MTUS2: variants seen among roughly 807,000 people sequenced by gnomAD.
The protein encoded by MTUS2 is microtubule associated scaffold protein 2.
MTUS2 carries 40 observed loss-of-function variants against 114.1 expected under a neutral mutation model. That is an observed-to-expected ratio of 0.35 (90% confidence interval 0.27 to 0.46). The LOEUF is 0.46. Among genes scored for constraint, MTUS2 ranks in the 20% least tolerant of loss-of-function variants. The pLI, the probability that MTUS2 is intolerant of heterozygous loss-of-function variation, is 1.00. For synonymous variants in MTUS2, 688 were observed against 672.0 expected (o/e 1.02, Z -0.37); for missense variants, 1,679 against 1,705.4 (o/e 0.98, Z 0.27).
chr13:29,259,098 T>A (rs763107795), intron 5 of MTUS2, among the ~76,000 whole-genome samples: 2 of 152,234 alleles, frequency 1.3e-5, no homozygotes, highest in Non-Finnish European at 2.9e-5. Flanking sequence ...ATGTATTTTT[T>A]AAAACAATAA....
chr13:28,936,536 G>T (rs990349906), intron 2 of MTUS2, among the ~76,000 whole-genome samples: 2 of 152,102 alleles, frequency 1.3e-5, no homozygotes, highest in African/African-American at 2.4e-5. Context: ...GGGACTGAGT[G>T]TCTGGTGTGG....
intron 7 of MTUS2, among the ~76,000 whole-genome samples, chr13:29,335,384 A>G (rs942359658): frequency 6.6e-5 from 10 of 152,246 alleles, no homozygotes; most frequent in African/African-American, 1.9e-4. Context: ...ATCAGTGACA[A>G]TGTGTGCCCG....
chr13:29,390,162 T>TGTGTG lies in MTUS2; in HGVS notation c.3117+30689_3117+30690insGTGTG, dbSNP rs146459770. 6.7e-5 allele frequency among the ~76,000 whole-genome samples: 8 copies of TGTGTG among 119,052 alleles called. No homozygotes were observed. In the South Asian group the frequency reaches 1.9e-3, roughly 29 times the overall value. 78.1% of individuals were successfully genotyped at this position (119,052 alleles called of 152,430 possible). A position where few individuals can be genotyped will look rare whatever the true frequency, so the allele number is the denominator to read the frequency against. ...ACTATATATATATACACACACACAC[T>TGTGTG]TGTGTGTGTGTGTGTTTATGAATAT... On this transcript the variant is annotated intron_variant, in intron 8 of 15. Coordinates refer to ENST00000612955, the MANE Select transcript of MTUS2 (RefSeq NM_001033602.4).
At chr13:28,967,751 T>A (rs1176301770) in intron 2 of MTUS2, among the ~76,000 whole-genome samples, 1 of 152,144 alleles carries the variant, frequency 6.6e-6, no homozygotes, top group Non-Finnish European at 1.5e-5. Flanking sequence ...GATGACATGA[T>A]CTGTGCAAAA....
chr13:29,163,496 A>G (rs41438447), intron 5 of MTUS2, among the ~76,000 whole-genome samples: 2,785 of 152,234 alleles, frequency 0.018, 31 homozygotes, highest in Middle Eastern at 0.031. Flanking sequence ...CTTTTGCCTC[A>G]TGTTCCATCA....
chr13:29,323,799 T>G (rs1900362617), intron 6 of MTUS2, among the ~76,000 whole-genome samples: 1 of 152,082 alleles, frequency 6.6e-6, no homozygotes, highest in Non-Finnish European at 1.5e-5. Flanking sequence ...GGGGGTGACA[T>G]CCATGGCCTG....
At chr13:29,348,038 A>G (rs1361508053) in intron 7 of MTUS2, among the ~76,000 whole-genome samples, 1 of 150,464 alleles carries the variant, frequency 6.6e-6, no homozygotes, top group Non-Finnish European at 1.5e-5. Context: ...CCAACCCAGA[A>G]GCCCTCTGAA....
chr13:29,421,957 A>G (rs766962244), intron 8 of MTUS2, among the ~76,000 whole-genome samples: 10 of 152,212 alleles, frequency 6.6e-5, no homozygotes, highest in Non-Finnish European at 1.3e-4. Context: ...ATTGACCTGC[A>G]TGTTTCTACT....
At chr13:29,134,874 C>T (rs1593514144) in intron 5 of MTUS2, among the ~76,000 whole-genome samples, 1 of 152,208 alleles carries the variant, frequency 6.6e-6, no homozygotes, top group Non-Finnish European at 1.5e-5. Context: ...ATGTGAGCCA[C>T]CGTACCCGGC....
At chr13:29,077,407 T>A (rs538741233) in intron 4 of MTUS2, among the ~76,000 whole-genome samples, 2 of 151,620 alleles carry the variant, frequency 1.3e-5, no homozygotes, top group East Asian at 1.9e-4. Flanking sequence ...AAAAAAAAAA[T>A]GAGCCCAAAC....
chr13:28,923,257 G>A (rs775871901), intron 2 of MTUS2, among the ~76,000 whole-genome samples: 1 of 152,216 alleles, frequency 6.6e-6, no homozygotes, highest in Non-Finnish European at 1.5e-5. Flanking sequence ...GCTAACATCC[G>A]ATTCATCTCA....
At position 29,031,406 on chromosome 13, in the gene MTUS2, CTA is replaced by C. The variant is rs1010954097; in HGVS notation, c.2206-2466_2206-2465del. Among the ~76,000 whole-genome samples the C allele has an allele frequency of 7.4e-5, 11 of 147,852 alleles. 1 individual carries two copies. Among genetic ancestry groups the C allele is most frequent in the South Asian group, 4.5e-4 (2 of 4,484 alleles). On this transcript the variant is annotated intron_variant, in intron 3 of 15. Transcript: ENST00000612955. Reference sequence around the variant, plus strand: ...ATAGAGAGGGTACATCACATAATCTCTATATATATATATAGAGAGAGATTGAT... The same window carrying C: ...ATAGAGAGGGTACATCACATAATCTCTATATATATATAGAGAGAGATTGAT...
At chr13:28,876,625 G>A (rs949761251) in intron 2 of MTUS2, among the ~76,000 whole-genome samples, 1 of 152,154 alleles carries the variant, frequency 6.6e-6, no homozygotes, top group African/African-American at 2.4e-5. Flanking sequence ...CCTCTTTGTG[G>A]GTCTTTGGCC....
At chr13:29,019,631 A>G (rs1047102159) in intron 2 of MTUS2, among the ~76,000 whole-genome samples, 1 of 152,206 alleles carries the variant, frequency 6.6e-6, no homozygotes, top group African/African-American at 2.4e-5. Flanking sequence ...GACAACTTAT[A>G]TGGTACTTTG....
chr13:29,268,601 C>G (rs1190531825), intron 5 of MTUS2, among the ~76,000 whole-genome samples: 1 of 152,160 alleles, frequency 6.6e-6, no homozygotes, highest in Non-Finnish European at 1.5e-5. Context: ...CCAGTCTTAT[C>G]TTTCCACAGC....
chr13:28,958,696 A>G (rs1433967219), intron 2 of MTUS2, among the ~76,000 whole-genome samples: 1 of 152,216 alleles, frequency 6.6e-6, no homozygotes, highest in Admixed American at 6.5e-5. Context: ...TTGGGTCAAC[A>G]GGTCCCATTT....
chr13:29,313,450 A>G (rs982977895), intron 6 of MTUS2, among the ~76,000 whole-genome samples: 1 of 152,178 alleles, frequency 6.6e-6, no homozygotes, highest in African/African-American at 2.4e-5. Context: ...AGTGAGTTCA[A>G]TTTTGGACAT....
chr13:28,954,792 A>T (rs1324835350), intron 2 of MTUS2, among the ~76,000 whole-genome samples: 2 of 152,144 alleles, frequency 1.3e-5, no homozygotes, highest in Non-Finnish European at 2.9e-5. Context: ...ACATGATCAG[A>T]GGTGGGGCCT....
intron 4 of MTUS2, among the ~76,000 whole-genome samples, chr13:29,058,795 T>C (rs1223476016): frequency 6.7e-6 from 1 of 149,858 alleles, no homozygotes; most frequent in Non-Finnish European, 1.5e-5. Context: ...TTCCCAACTA[T>C]GAGTGAGAAC....
Sources: gnomAD v4.1 joint callset for allele counts (sites outside exome capture counted in the v4.1 genomes callset) on GRCh38, gnomAD v4.1.1 for gene constraint, MANE v1.5 for transcripts, NCBI Gene and HGNC (gene_info 2026-07-23, HGNC 2026-07-21) for gene names.